TNFAIP8: variants seen among roughly 807,000 people sequenced by gnomAD.
The protein encoded by TNFAIP8 is TNF alpha induced protein 8.
Under a neutral mutation model 13.3 loss-of-function variants are expected in TNFAIP8, and 7 were observed. That is an observed-to-expected ratio of 0.52 (90% CI 0.30 to 0.99). The LOEUF (loss-of-function observed/expected upper bound fraction) is 0.99. Ranked by LOEUF, TNFAIP8 falls within the 50% of genes least tolerant of loss-of-function variation. The pLI is 0.07. For synonymous variants in TNFAIP8, 94 were observed against 87.6 expected, an observed-to-expected ratio of 1.07 and a Z score of -0.41; for missense variants, 258 against 236.9, an observed-to-expected ratio of 1.09 and a Z score of -0.58.
At chr5:119,367,068 C>T (rs1192857082) in intron 1 of TNFAIP8, among the ~76,000 whole-genome samples, 1 of 152,140 alleles carries the variant, frequency 6.6e-6, no homozygotes, top group African/African-American at 2.4e-5. Flanking sequence ...CTGAGCCCAC[C>T]CAGCCCTCAG....
At chr5:119,325,471 G>A (rs11747233) in intron 1 of TNFAIP8, among the ~76,000 whole-genome samples, 17 of 152,058 alleles carry the variant, frequency 1.1e-4, no homozygotes, top group African/African-American at 2.2e-4. Flanking sequence ...TTTTTGAGAC[G>A]GAGTCTCACT....
intron 1 of TNFAIP8, among the ~76,000 whole-genome samples, chr5:119,297,615 A>G (rs1328847656): frequency 2.0e-5 from 3 of 152,292 alleles, no homozygotes; most frequent in East Asian, 1.9e-4. Flanking sequence ...GTAGATGTCT[A>G]TTAGGTCCGC....
chr5:119,341,403 A>T (rs1750732933), intron 1 of TNFAIP8, among the ~76,000 whole-genome samples: 1 of 149,610 alleles, frequency 6.7e-6, no homozygotes, highest in African/African-American at 2.6e-5. Flanking sequence ...ATTGAAGTTC[A>T]GTTAAAAAAC....
chr5:119,318,590 C>G (rs536243025), intron 1 of TNFAIP8, among the ~76,000 whole-genome samples: 1 of 152,246 alleles, frequency 6.6e-6, no homozygotes, highest in African/African-American at 2.4e-5. Context: ...GCCACTGTGC[C>G]TAGCCTAGAA....
chr5:119,294,811 A>T (rs998838577), intron 1 of TNFAIP8, among the ~76,000 whole-genome samples: 2 of 151,796 alleles, frequency 1.3e-5, no homozygotes, highest in Non-Finnish European at 2.9e-5. Context: ...GCATTTTTTC[A>T]TGTGTCTTTT....
chr5:119,334,946 T>A (rs928202439), intron 1 of TNFAIP8, among the ~76,000 whole-genome samples: 5 of 152,094 alleles, frequency 3.3e-5, no homozygotes, highest in African/African-American at 1.2e-4. Context: ...CTTCCAAGGC[T>A]GGAGTGATTA....
intron 1 of TNFAIP8, among the ~76,000 whole-genome samples, chr5:119,282,505 A>G (rs1322883401): frequency 1.3e-5 from 2 of 152,194 alleles, no homozygotes; most frequent in Middle Eastern, 3.2e-3. Context: ...CCATGGATTC[A>G]GTGTCAGGTT....
intron 1 of TNFAIP8, among the ~76,000 whole-genome samples, chr5:119,291,944 C>G (rs1256437061): frequency 1.3e-5 from 2 of 152,040 alleles, no homozygotes; most frequent in Admixed American, 6.6e-5. Context: ...CATACAGGAC[C>G]TAAAGATAGA....
intron 1 of TNFAIP8, among the ~76,000 whole-genome samples, chr5:119,320,224 T>A (rs1002392982): frequency 6.6e-6 from 1 of 152,172 alleles, no homozygotes; most frequent in African/African-American, 2.4e-5. Flanking sequence ...TGAAGATACA[T>A]CTGGCAGTTG....
At chr5:119,370,495 A>G (rs991899388) in intron 1 of TNFAIP8, among the ~76,000 whole-genome samples, 3 of 152,266 alleles carry the variant, frequency 2.0e-5, no homozygotes, top group African/African-American at 7.2e-5. Context: ...AAGACCCTTT[A>G]TCTTCCTGCC....
At chr5:119,356,309 C>A (rs148656785) in intron 1 of TNFAIP8, among the ~76,000 whole-genome samples, 188 bp downstream of exon 1, 1 of 152,184 alleles carries the variant, frequency 6.6e-6, no homozygotes, top group African/African-American at 2.4e-5. Flanking sequence ...CCTTCTCCCC[C>A]CGCAGCCGTT....
intron 1 of TNFAIP8, among the ~76,000 whole-genome samples, chr5:119,300,202 C>T (rs762386711): frequency 5.9e-5 from 9 of 152,234 alleles, no homozygotes; most frequent in South Asian, 2.1e-4. Context: ...TCTTCTGTGT[C>T]GCTCACGCCG....
At chr5:119,315,665 G>C (rs1009254485) in intron 1 of TNFAIP8, among the ~76,000 whole-genome samples, 1 of 152,156 alleles carries the variant, frequency 6.6e-6, no homozygotes, top group Non-Finnish European at 1.5e-5. Flanking sequence ...AAGACCCCGA[G>C]GTGTAATGGA....
intron 1 of TNFAIP8, among the ~76,000 whole-genome samples, chr5:119,330,719 C>G (rs1332850838): frequency 6.6e-6 from 1 of 152,142 alleles, no homozygotes; most frequent in African/African-American, 2.4e-5. Flanking sequence ...AGTACACACA[C>G]ACGGAAGGGA....
chr5:119,268,827 C>T (rs1748168795), exon 1 of TNFAIP8: 1 of 701,998 alleles, frequency 1.4e-6, no homozygotes, highest in Non-Finnish European at 2.6e-6. Context: ...CCGTGAGCCA[C>T]CGAGAGAGCA....
rs537503825 is a variant in TNFAIP8, at chr5:119,294,686, A to G, written c.1+25779A>G. ...CAGTGGGACTCCACATCCTCTCCACATCCTCTCCAGCACCTGTTGTTTCCT... is the reference window on the plus strand; with the variant it reads ...CAGTGGGACTCCACATCCTCTCCACGTCCTCTCCAGCACCTGTTGTTTCCT... On this transcript the variant is annotated intron_variant, in intron 1 of 1. Transcript: ENST00000274456. Among the ~76,000 whole-genome samples, 20 of 152,152 alleles carry G rather than the reference A, an allele frequency of 1.3e-4. 1 individual carries two copies. The highest frequency in any genetic ancestry group is 4.8e-4 in the African/African-American group (20 of 41,524).
At chr5:119,333,334 T>C (rs889683251) in intron 1 of TNFAIP8, 19 of 1,272,830 alleles carry the variant, frequency 1.5e-5, no homozygotes, top group South Asian at 2.3e-5. Context: ...TGCATTCCAC[T>C]ACAAGTGACG....
intron 1 of TNFAIP8, among the ~76,000 whole-genome samples, chr5:119,382,936 T>C (rs1261145127): frequency 2.6e-5 from 4 of 152,256 alleles, no homozygotes; most frequent in Admixed American, 2.6e-4. Flanking sequence ...AAATTTGTTA[T>C]GGTATCCTTT....
At chr5:119,355,129 G>A (rs1751334552), upstream of TNFAIP8, 1 of 582,648 alleles carries the variant, frequency 1.7e-6, no homozygotes, top group Non-Finnish European at 3.1e-6. Flanking sequence ...CCAGACCCGG[G>A]GGCAGAATTG....
Sources: allele counts gnomAD v4.1 joint callset (sites outside exome capture counted in the v4.1 genomes callset), GRCh38; gene constraint gnomAD v4.1.1; transcripts MANE v1.5; gene names NCBI Gene and HGNC (gene_info 2026-07-23, HGNC 2026-07-21).